Variants in MNX1 observed in about 807,000 individuals in gnomAD.
MNX1 encodes the protein motor neuron and pancreas homeobox 1, also known as motor neuron and pancreas homeobox protein 1.
A neutral mutation model predicts 17.3 loss-of-function variants in MNX1; 2 were observed. The observed-to-expected ratio is 0.12, with a 90% CI of 0.05 to 0.36. The LOEUF is 0.36. MNX1 is among the 10% of genes least tolerant of loss of function. The pLI is 1.00. For synonymous variants in MNX1, 306 were observed against 283.1 expected, an observed-to-expected ratio of 1.08 and a Z score of -0.81; for missense variants, 556 against 564.7, an observed-to-expected ratio of 0.98 and a Z score of 0.16.
rs1000518471 is a variant in MNX1 at position 157,005,041 on chromosome 7, G to C, written c.*479C>G. 1 of 223,764 alleles carries C rather than the reference G, an allele frequency of 4.5e-6. No homozygotes were observed. The highest frequency in any genetic ancestry group is 8.9e-6 in the Non-Finnish European group (1 of 112,234). The allele number at this position is 223,764 out of a possible 1,614,324, so 13.9% of individuals were successfully genotyped here. On this transcript the variant is annotated 3_prime_UTR_variant, in exon 3 of 3. Transcript: ENST00000252971. ...ACATAATCCCCCCGACCCCAGAGAC[G>C]TAAGCATAAACCCTTTTTTCTTTTT...
intron 1 of MNX1, chr7:157,008,748 T>C: frequency 1.8e-6 from 1 of 569,586 alleles, no homozygotes; most frequent in South Asian, 2.4e-5. Context: ...CGTTGAGCCA[T>C]ATACATCTGC....
rs1171559580 is a variant in MNX1, at chr7:157,009,868, G to A, written c.483C>T (p.His161=). 2.9e-4 allele frequency: 430 copies of A among 1,479,070 alleles called. No homozygotes were observed. The highest frequency in any genetic ancestry group is 3.7e-4 in the Non-Finnish European group (417 of 1,122,648). The allele number at this position is 1,479,070 out of a possible 1,614,324, so 91.6% of individuals were successfully genotyped here. A position where few individuals can be genotyped will look rare whatever the true frequency, so the allele number is the denominator to read the frequency against. Reference sequence around the variant, plus strand: ...CCGCCGCGGAGTAGCCGTAGACCGGGTGGCCGTAGAGCGCCGCCTGCGCCG... The same window carrying A: ...CCGCCGCGGAGTAGCCGTAGACCGGATGGCCGTAGAGCGCCGCCTGCGCCG... The part of the protein sequence containing the change: ...GLPAQAALYG[H]PVYGYSAAAA... The change falls in exon 1 of 3, where the codon CAC becomes CAT. Residue 161 remains histidine, a synonymous_variant. Transcript: ENST00000252971.
Position 157,006,807 on chromosome 7 carries a change from T to G in MNX1, c.692-168A>C. 1.6e-6 allele frequency: 1 copy of G among 637,546 alleles called. No homozygotes were observed. Among genetic ancestry groups the G allele is most frequent in the Non-Finnish European group, 2.6e-6 (1 of 387,848 alleles). 39.5% of individuals were successfully genotyped at this position (637,546 alleles called of 1,614,324 possible). A position where few individuals can be genotyped will look rare whatever the true frequency, so the allele number is the denominator to read the frequency against. On this transcript the variant is annotated intron_variant, in intron 1 of 2. Coordinates refer to ENST00000252971, the MANE Select transcript of MNX1 (RefSeq NM_005515.4). The surrounding 1 kb of genome is among the most constrained non-coding windows in gnomAD (Gnocchi z 6.3). ...TGCCCACTCCCCAAGGAATGCGGAC[T>G]CAGGACCACCAAGTGGAAATGGATA...
chr7:157,006,604 G>C lies in MNX1; in HGVS notation c.727C>G (p.Arg243Gly). The C allele has an allele frequency of 2.5e-6, 4 of 1,602,750 alleles. No homozygotes were observed. The highest frequency in any genetic ancestry group is 1.7e-5 in the Admixed American group (1 of 58,484). The change falls in exon 2 of 3, where the codon CGG becomes GGG. Residue 243 changes from arginine (R) to glycine (G), a missense_variant. By Grantham distance (125) the Arg-to-Gly change is moderately radical. Coordinates refer to ENST00000252971, the MANE Select transcript of MNX1 (RefSeq NM_005515.4). The surrounding 1 kb of genome is among the most constrained non-coding windows in gnomAD (Gnocchi z 6.3). ...TGGCTGGTGAAGGCGGTGCGCGGCC[G>C]GCGGCACTTCCCCAGGAGGTTCGAC... ...AQSNLLGKCRRPRTAFTSQQL... is the reference protein window; with the variant it reads ...AQSNLLGKCRGPRTAFTSQQL...
In MNX1 at chr7:157,009,555, C is replaced by T; in HGVS notation, c.691+105G>A. 2.0e-6 allele frequency: 3 copies of T among 1,515,180 alleles called. No individual in the cohort carries two copies. In the Admixed American group the frequency reaches 6.2e-5, roughly 31 times the overall value. 93.9% of individuals were successfully genotyped at this position (1,515,180 alleles called of 1,614,324 possible). A position where few individuals can be genotyped will look rare whatever the true frequency, so the allele number is the denominator to read the frequency against. ...GAGCCGAGGCGGCTTCGCAGCTCTT[C>T]CCCCGCTCGCTGGGAGCCAAGCGCA... is the stretch of plus-strand genomic sequence containing the variant. On this transcript the variant is annotated intron_variant, in intron 1 of 2. Transcript: ENST00000252971.
Position 157,005,822 on chromosome 7 carries a change from C to T in MNX1, c.904G>A (p.Ala302Thr). The change falls in exon 3 of 3, where the codon GCC becomes ACC. Residue 302 changes from alanine (A) to threonine (T), a missense_variant. By Grantham distance (58) the Ala-to-Thr change is moderately conservative. Around this residue, in one of 7 missense-constraint regions of MNX1, gnomAD observed 178 missense variants for 155.2 expected, o/e 1.15. Coordinates refer to ENST00000252971, the MANE Select transcript of MNX1 (RefSeq NM_005515.4). ...GCTTCCTGCGCCGCCTGCTCTTTGG[C>T]CTTTTTGCTGCGTTTCCATTTCATC... ...RRMKWKRSKKAKEQAAQEAEK... is the reference protein window; with the variant it reads ...RRMKWKRSKKTKEQAAQEAEK... 6.2e-7 allele frequency: 1 copy of T among 1,612,356 alleles called. No homozygotes were observed.
Position 157,006,248 on chromosome 7 carries a change from T to G in MNX1, c.852+231A>C. ...GGAACAAAATTTCTCGAATGCGGCC[T>G]GGGGATCACCTTCTTCAGAATGAAA... On this transcript the variant is annotated intron_variant, in intron 2 of 2. Coordinates refer to ENST00000252971, the MANE Select transcript of MNX1 (RefSeq NM_005515.4). This position sits in a 1 kb window ranked among gnomAD's most constrained non-coding sequence, Gnocchi z 6.3. 1 of 592,554 alleles carries G rather than the reference T, an allele frequency of 1.7e-6. No homozygotes were observed. The highest frequency in any genetic ancestry group is 2.1e-5 in the South Asian group (1 of 48,226). 36.7% of individuals were successfully genotyped at this position (592,554 alleles called of 1,614,324 possible).
Position 157,008,908 on chromosome 7 carries a change from G to A in MNX1, c.691+752C>T, listed in dbSNP as rs779610709. The A allele has an allele frequency of 1.1e-4, 150 of 1,381,190 alleles. 5 individuals are homozygous for A. Among genetic ancestry groups the A allele is most frequent in the South Asian group, 2.2e-4 (18 of 80,260 alleles). 85.6% of individuals were successfully genotyped at this position (1,381,190 alleles called of 1,614,324 possible). A position where few individuals can be genotyped will look rare whatever the true frequency, so the allele number is the denominator to read the frequency against. On this transcript the variant is annotated intron_variant, in intron 1 of 2. Transcript: ENST00000252971. ...AGGCCTCTGGCGAGGTGTCCCGCCC[G>A]GATGGAGAGGAAGCTGCCCGAAGCC...
chr7:157,006,148 C>T lies in MNX1; in HGVS notation c.853-275G>A, dbSNP rs886835492. ...GGCCGGGGACTTTTCTACCCGCGCC[C>T]TCCGTCTGCGGAGGAAGGGTCAGGG... On this transcript the variant is annotated intron_variant, in intron 2 of 2. Transcript: ENST00000252971. The surrounding 1 kb of genome is among the most constrained non-coding windows in gnomAD (Gnocchi z 6.3). Among the ~76,000 whole-genome samples, 2 of 152,254 alleles carry T rather than the reference C, an allele frequency of 1.3e-5. No homozygotes were observed. Among genetic ancestry groups the T allele is most frequent in the African/African-American group, 4.8e-5 (2 of 41,474 alleles).
chr7:157,009,757 G>A lies in MNX1; in HGVS notation c.594C>T (p.Ala198=). Reference sequence around the variant, plus strand: ...TGCCGGCGCCCAGCTTGATGGGGTCGGCGGGGTGCGCGGGGTGCGCGCCTT... The same window carrying A: ...TGCCGGCGCCCAGCTTGATGGGGTCAGCGGGGTGCGCGGGGTGCGCGCCTT... The part of the protein sequence containing the change: ...QVQGAHPAHP[A]DPIKLGAGTF... The change falls in exon 1 of 3, where the codon GCC becomes GCT. Residue 198 remains alanine, a synonymous_variant. Transcript: ENST00000252971. 1 of 1,604,270 alleles carries A rather than the reference G, an allele frequency of 6.2e-7. No individual in the cohort carries two copies. The highest frequency in any genetic ancestry group is 8.5e-7 in the Non-Finnish European group (1 of 1,177,848).
In MNX1 at chr7:157,010,635, G is replaced by C. The variant is rs28699628; in HGVS notation, c.-285C>G. 2,936 of 242,700 alleles carry C rather than the reference G, an allele frequency of 0.012. 83 individuals are homozygous for C. The highest frequency in any genetic ancestry group is 0.059 in the African/African-American group (2,688 of 45,216). The allele number at this position is 242,700 out of a possible 1,614,324, so 15.0% of individuals were successfully genotyped here. A position where few individuals can be genotyped will look rare whatever the true frequency, so the allele number is the denominator to read the frequency against. On this transcript the variant is annotated 5_prime_UTR_variant, in exon 1 of 3. Transcript: ENST00000252971. ...GTTCTTTGCGCTGCAGCCCTCAGGC[G>C]ACCGCGCGGAGGCCGCTGCCGCCGT...
Position 157,007,937 on chromosome 7 carries a change from C to T in MNX1, c.692-1298G>A, listed in dbSNP as rs150693887. 7.0e-3 allele frequency: 1,072 copies of T among 152,388 alleles called. 5 individuals carry two copies. The highest frequency in any genetic ancestry group is 0.011 in the Non-Finnish European group (773 of 68,044). 9.4% of individuals were successfully genotyped at this position (152,388 alleles called of 1,614,324 possible). ...GGAAATGCCATCCAACAGGCAGAGA[C>T]AACCAATTAAAGAAACCAAACAGGT... is the stretch of plus-strand genomic sequence containing the variant. On this transcript the variant is annotated intron_variant, in intron 1 of 2. Coordinates refer to ENST00000252971, the MANE Select transcript of MNX1 (RefSeq NM_005515.4).
In MNX1 at chr7:157,006,255, C is replaced by A; in HGVS notation, c.852+224G>T. ...AATTTCTCGAATGCGGCCTGGGGATCACCTTCTTCAGAATGAAAGGAGGGG... is the reference window on the plus strand; with the variant it reads ...AATTTCTCGAATGCGGCCTGGGGATAACCTTCTTCAGAATGAAAGGAGGGG... On this transcript the variant is annotated intron_variant, in intron 2 of 2. Coordinates refer to ENST00000252971, the MANE Select transcript of MNX1 (RefSeq NM_005515.4). The surrounding 1 kb of genome is among the most constrained non-coding windows in gnomAD (Gnocchi z 6.3). 1.7e-6 allele frequency: 1 copy of A among 594,526 alleles called. No homozygotes were observed. The highest frequency in any genetic ancestry group is 3.0e-6 in the Non-Finnish European group (1 of 337,376). 36.8% of individuals were successfully genotyped at this position (594,526 alleles called of 1,614,324 possible). A position where few individuals can be genotyped will look rare whatever the true frequency, so the allele number is the denominator to read the frequency against.
At chr7:157,009,559 C>A (rs915556726) in intron 1 of MNX1, 101 bp downstream of exon 1, 4 of 1,519,144 alleles carry the variant, frequency 2.6e-6, no homozygotes, top group Non-Finnish European at 2.7e-6. Context: ...GCTCTTCCCC[C>A]GCTCGCTGGG....
In MNX1 at chr7:157,005,710, G is replaced by A. The variant is rs369111088; in HGVS notation, c.1016C>T (p.Pro339Leu). The change falls in exon 3 of 3, where the codon CCC becomes CTC. Residue 339 changes from proline (P) to leucine (L), a missense_variant. Around this residue, in one of 7 missense-constraint regions of MNX1, gnomAD observed 178 missense variants for 155.2 expected, o/e 1.15. Transcript: ENST00000252971. ...GCGGCGTCCGCTGCCCTTGTCTCCG[G>A]GCGCTGGCGGCCCCAGCAGCTCCTC... is the stretch of plus-strand genomic sequence containing the variant. ...GAEELLGPPA[P>L]GDKGSGRRLR... 1.2e-6 allele frequency: 2 copies of A among 1,610,216 alleles called. No individual in the cohort carries two copies. The highest frequency in any genetic ancestry group is 2.2e-5 in the South Asian group (2 of 90,940).
chr7:157,006,814 C>G lies in MNX1; in HGVS notation c.692-175G>C. 1.6e-6 allele frequency: 1 copy of G among 613,284 alleles called. No homozygotes were observed. Among genetic ancestry groups the G allele is most frequent in the East Asian group, 3.0e-5 (1 of 33,314 alleles). The allele number at this position is 613,284 out of a possible 1,614,324, so 38.0% of individuals were successfully genotyped here. The stretch of plus-strand genomic sequence containing the variant: ...TCCCCAAGGAATGCGGACTCAGGAC[C>G]ACCAAGTGGAAATGGATAGTTTGGA... On this transcript the variant is annotated intron_variant, in intron 1 of 2. Coordinates refer to ENST00000252971, the MANE Select transcript of MNX1 (RefSeq NM_005515.4). The surrounding 1 kb of genome is among the most constrained non-coding windows in gnomAD (Gnocchi z 6.3).
chr7:157,009,045 C>T, intron 1 of MNX1: 2 of 1,536,996 alleles, frequency 1.3e-6, no homozygotes, highest in Non-Finnish European at 1.7e-6. Flanking sequence ...TGTTGAGAGT[C>T]CCCCCATAGC....
Position 157,010,495 on chromosome 7 carries a change from A to C in MNX1, c.-145T>G. 1.9e-6 allele frequency: 1 copy of C among 523,538 alleles called. No individual in the cohort carries two copies. The highest frequency in any genetic ancestry group is 3.2e-6 in the Non-Finnish European group (1 of 317,322). The allele number at this position is 523,538 out of a possible 1,614,324, so 32.4% of individuals were successfully genotyped here. On this transcript the variant is annotated 5_prime_UTR_variant, in exon 1 of 3. Coordinates refer to ENST00000252971, the MANE Select transcript of MNX1 (RefSeq NM_005515.4). ...GCCAATAATCAAAGTCGCCGCCGGA[A>C]ACTCAGCCGAGGGTGACCATGGTCC...
At position 157,009,731 on chromosome 7, in the gene MNX1, G is replaced by A. The variant is rs1471615837; in HGVS notation, c.620C>T (p.Thr207Ile). The A allele has an allele frequency of 1.9e-6, 3 of 1,607,956 alleles. No homozygotes were observed. The highest frequency in any genetic ancestry group is 2.5e-6 in the Non-Finnish European group (3 of 1,178,790). ...PADPIKLGAG[T>I]FQLDQWLRAS... Reference sequence around the variant, plus strand: ...GCGCAGCCACTGGTCCAGCTGGAAGGTGCCGGCGCCCAGCTTGATGGGGTC... The same window carrying A: ...GCGCAGCCACTGGTCCAGCTGGAAGATGCCGGCGCCCAGCTTGATGGGGTC... The change falls in exon 1 of 3, where the codon ACC becomes ATC. Residue 207 changes from threonine to isoleucine, a missense_variant. Transcript: ENST00000252971.
Sources: allele counts gnomAD v4.1 joint callset (sites outside exome capture counted in the v4.1 genomes callset), GRCh38; gene constraint gnomAD v4.1.1; regional missense constraint gnomAD v4.1.1; non-coding constraint Gnocchi (gnomAD v3.1); transcripts MANE v1.5; gene names NCBI Gene and HGNC (gene_info 2026-07-23, HGNC 2026-07-21).